Variants in SOX13 observed in about 807,000 individuals in gnomAD.
SOX13 encodes transcription factor SOX-13.
In SOX13, 28 loss-of-function variants were observed where a neutral mutation model predicts 71.8. That is an observed-to-expected ratio of 0.39 (90% confidence interval 0.29 to 0.53). The LOEUF (loss-of-function observed/expected upper bound fraction) is 0.53, where lower values mean the gene tolerates loss of function less well. SOX13 is among the 20% of genes least tolerant of loss of function. The pLI is 0.70. For missense variants in SOX13, 627 were observed against 810.3 expected (o/e 0.77, Z 2.75); for synonymous variants, 309 against 317.8 (o/e 0.97, Z 0.29).
At chr1:204,090,095 T>G (rs1656111253) in intron 1 of SOX13, among the ~76,000 whole-genome samples, 1 of 151,998 alleles carries the variant, frequency 6.6e-6, no homozygotes. Flanking sequence ...CCTTCGGTAG[T>G]GGTTTTTTGC....
intron 1 of SOX13, among the ~76,000 whole-genome samples, chr1:204,098,401 G>A (rs568339163): frequency 4.6e-5 from 7 of 152,140 alleles, no homozygotes; most frequent in East Asian, 3.9e-4. Flanking sequence ...TGCTTGAACC[G>A]GGGAGGCAGA....
In SOX13 at chr1:204,099,468, C is replaced by G. The variant is rs73069926; in HGVS notation, c.-1-13447C>G. On this transcript the variant is annotated intron_variant, in intron 1 of 13. Coordinates refer to ENST00000367204, the MANE Select transcript of SOX13 (RefSeq NM_005686.3). ...TTTTTGAGACAGGGTCTCTGTAGCTCAGGCTGAAGTGCAGTGGCATGATCA... is the reference window on the plus strand; with the variant it reads ...TTTTTGAGACAGGGTCTCTGTAGCTGAGGCTGAAGTGCAGTGGCATGATCA... 7.6e-3 allele frequency among the ~76,000 whole-genome samples: 988 copies of G among 129,248 alleles called. 9 individuals carry two copies. The highest frequency in any genetic ancestry group is 0.028 in the African/African-American group (955 of 33,924). 84.8% of individuals were successfully genotyped at this position (129,248 alleles called of 152,430 possible). A position where few individuals can be genotyped will look rare whatever the true frequency, so the allele number is the denominator to read the frequency against.
chr1:204,115,492 TAAAAAAAAA>T (rs71145062), intron 4 of SOX13, among the ~76,000 whole-genome samples: 1 of 49,964 alleles, frequency 2.0e-5, no homozygotes, highest in African/African-American at 7.2e-5. Context: ...TTTTTTTTTT[TAAAAAAAAA>T]AAAAAAAAAA....
rs753214124 is a variant in SOX13 at position 204,122,106 on chromosome 1, G to A, written c.861+121G>A. The A allele has an allele frequency of 1.5e-4, 156 of 1,036,162 alleles. 1 individual carries two copies. In the South Asian group the frequency reaches 2.1e-3, roughly 14 times the overall value. 64.2% of individuals were successfully genotyped at this position (1,036,162 alleles called of 1,614,324 possible). On this transcript the variant is annotated intron_variant, in intron 8 of 13. Coordinates refer to ENST00000367204, the MANE Select transcript of SOX13 (RefSeq NM_005686.3). ...TGGCATCCTGTGTTCTTGTTCACCC[G>A]CTCCTTCTGCGTCCACTTTTCTGTC... is the stretch of plus-strand genomic sequence containing the variant.
chr1:204,094,624 G>A (rs781177463), intron 1 of SOX13, among the ~76,000 whole-genome samples: 13 of 152,154 alleles, frequency 8.5e-5, no homozygotes, highest in Non-Finnish European at 1.8e-4. Context: ...CAAAGATGCC[G>A]GTGGCTTTTT....
At chr1:204,084,802 C>G (rs1036514507) in intron 1 of SOX13, among the ~76,000 whole-genome samples, 23 of 117,822 alleles carry the variant, frequency 2.0e-4, no homozygotes, top group South Asian at 2.7e-4. Context: ...TTTGTTGTTG[C>G]TTGAGACAGA....
At chr1:204,100,886 G>A (rs1295749453) in intron 1 of SOX13, among the ~76,000 whole-genome samples, 3 of 152,188 alleles carry the variant, frequency 2.0e-5, no homozygotes, top group Non-Finnish European at 2.9e-5. Flanking sequence ...CTGTGCCAAC[G>A]GGAGGCCGGT....
intron 4 of SOX13, among the ~76,000 whole-genome samples, chr1:204,115,695 C>T (rs1444234741): frequency 5.8e-5 from 7 of 120,286 alleles, no homozygotes. Context: ...AGAGAGACAG[C>T]TCGCTCTGTT....
intron 1 of SOX13, among the ~76,000 whole-genome samples, chr1:204,091,232 A>G (rs986175430): frequency 1.3e-5 from 2 of 152,158 alleles, no homozygotes; most frequent in Non-Finnish European, 2.9e-5. Flanking sequence ...ACCCTGGGAA[A>G]AAGACAAGTC....
At chr1:204,109,496 G>A (rs1656535005) in intron 1 of SOX13, among the ~76,000 whole-genome samples, 1 of 152,156 alleles carries the variant, frequency 6.6e-6, no homozygotes, top group Non-Finnish European at 1.5e-5. Flanking sequence ...ATAACATGCT[G>A]TACAGGTTTG....
At chr1:204,079,303 G>T (rs902916240) in intron 1 of SOX13, among the ~76,000 whole-genome samples, 8 of 148,614 alleles carry the variant, frequency 5.4e-5, no homozygotes, top group African/African-American at 9.9e-5. Flanking sequence ...ACAAAAAAAA[G>T]ATTTCTGTCC....
intron 7 of SOX13, among the ~76,000 whole-genome samples, chr1:204,120,028 CAAAAAT>C (rs1656770829): frequency 6.6e-6 from 1 of 152,078 alleles, no homozygotes; most frequent in African/African-American, 2.4e-5. Flanking sequence ...GCAAAACAGA[CAAAAAT>C]AATAATAAAT....
chr1:204,114,656 C>T, intron 4 of SOX13, 51 bp downstream of exon 4: 1 of 1,388,192 alleles, frequency 7.2e-7, no homozygotes, highest in Non-Finnish European at 1.0e-6. Context: ...TCTCTCTTCT[C>T]CTGGTCTGGC....
At chr1:204,106,505 A>T (rs1351942950) in intron 1 of SOX13, among the ~76,000 whole-genome samples, 3 of 144,362 alleles carry the variant, frequency 2.1e-5, no homozygotes, top group Non-Finnish European at 4.5e-5. Context: ...CTACTGGGTG[A>T]CTCCAAAATA....
At chr1:204,107,331 C>G (rs1256635937) in intron 1 of SOX13, among the ~76,000 whole-genome samples, 1 of 152,144 alleles carries the variant, frequency 6.6e-6, no homozygotes, top group Non-Finnish European at 1.5e-5. Context: ...CCAAGTTGTC[C>G]CCTGACTCCC....
rs768588296 is a variant in SOX13, at chr1:204,074,619, A to C, written c.-2+908A>C. On this transcript the variant is annotated intron_variant, in intron 1 of 13. Coordinates refer to ENST00000367204, the MANE Select transcript of SOX13 (RefSeq NM_005686.3). ...CCGCGGGATTCGCTCAGCTGCCCGC[A>C]TGGGTCTTCAGGCTGGAGGCGCTCC... Among the ~76,000 whole-genome samples the C allele has an allele frequency of 3.2e-4, 49 of 152,270 alleles. No homozygotes were observed. In the Middle Eastern group the frequency reaches 0.014, roughly 42 times the overall value.
At chr1:204,119,290 A>T (rs1308744396) in intron 7 of SOX13, 1 of 152,196 alleles carries the variant, frequency 6.6e-6, no homozygotes. Flanking sequence ...TGGCTCATAA[A>T]CAACAGATGT....
intron 1 of SOX13, among the ~76,000 whole-genome samples, chr1:204,087,420 T>C (rs1342229608): frequency 6.6e-6 from 1 of 152,220 alleles, no homozygotes; most frequent in Non-Finnish European, 1.5e-5. Context: ...TCCTGTAGCT[T>C]CCCAGGGCCT....
At chr1:204,121,519 T>C (rs550178905) in intron 7 of SOX13, among the ~76,000 whole-genome samples, 98 of 152,326 alleles carry the variant, frequency 6.4e-4, no homozygotes, top group Non-Finnish European at 1.0e-3. Context: ...ATGATACATA[T>C]GAGACGTTCT....
Sources: gnomAD v4.1 joint callset for allele counts (sites outside exome capture counted in the v4.1 genomes callset) on GRCh38, gnomAD v4.1.1 for gene constraint, MANE v1.5 for transcripts, NCBI Gene and HGNC (gene_info 2026-07-23, HGNC 2026-07-21) for gene names.